The following HK3 variants were observed in gnomAD, a reference collection of about 807,000 sequenced individuals.
The protein encoded by HK3 is hexokinase-3.
HK3 carries 93 observed loss-of-function variants against 91.0 expected under a neutral mutation model. The observed-to-expected ratio is 1.02, with a 90% CI of 0.86 to 1.21. The LOEUF is 1.21. Ranked by LOEUF, HK3 falls within the 50% of genes most tolerant of loss-of-function variation. HK3 has a pLI of 0.00. For synonymous variants in HK3, 519 were observed against 516.9 expected (o/e 1.00, Z -0.06); for missense variants, 1,235 against 1,247.4 (o/e 0.99, Z 0.15).
chr5:176,888,289 G>A (rs756114925), intron 10 of HK3, 43 bp downstream of exon 10: 104 of 1,486,060 alleles, frequency 7.0e-5, no homozygotes, highest in Non-Finnish European at 8.0e-5. Flanking sequence ...TCACACACAC[G>A]TGTTCATGCC....
chr5:176,891,255 C>T lies in HK3; in HGVS notation c.260-64G>A. ...CAAGACCAGAGCCCTCTGCCCACTT[C>T]CCAAATTCCTAAGGCCTGCAAAGTC... On this transcript the variant is annotated intron_variant, in intron 3 of 18. Transcript: ENST00000292432. 6 of 1,613,014 alleles carry T rather than the reference C, an allele frequency of 3.7e-6. No homozygotes were observed. The East Asian group carries it at 1.3e-4, about 36-fold the overall frequency.
chr5:176,887,183 G>A lies in HK3; in HGVS notation c.1737+18C>T. 6.2e-7 allele frequency: 1 copy of A among 1,614,176 alleles called. No homozygotes were observed. Among genetic ancestry groups the A allele is most frequent in the Non-Finnish European group, 8.5e-7 (1 of 1,180,042 alleles). ...AGCCCTTCCCCACCTCTGACATCAA[G>A]GTTCAGGCTGTGGGTACCTGCTGCC... On this transcript the variant is annotated intron_variant, in intron 12 of 18. Transcript: ENST00000292432. The surrounding 1 kb of genome is among the most constrained non-coding windows in gnomAD (Gnocchi z 4.9).
chr5:176,884,421 A>G lies in HK3; in HGVS notation c.1858-287T>C, dbSNP rs1308586143. Among the ~76,000 whole-genome samples the G allele has an allele frequency of 1.3e-5, 2 of 152,222 alleles. No homozygotes were observed. The highest frequency in any genetic ancestry group is 2.9e-5 in the Non-Finnish European group (2 of 68,044). ...CATTTTAAGACGTGTGCCCGGAAGGAATGGCCCTTTGTAATTGGGTTAGGA... is the reference window on the plus strand; with the variant it reads ...CATTTTAAGACGTGTGCCCGGAAGGGATGGCCCTTTGTAATTGGGTTAGGA... On this transcript the variant is annotated intron_variant, in intron 13 of 18. Transcript: ENST00000292432. The surrounding 1 kb of genome is among the most constrained non-coding windows in gnomAD (Gnocchi z 4.1).
chr5:176,895,364 A>G (rs1043739793), intron 2 of HK3, among the ~76,000 whole-genome samples: 3 of 152,190 alleles, frequency 2.0e-5, no homozygotes, highest in Non-Finnish European at 4.4e-5. Context: ...GGCGTGAGCC[A>G]CCGCGCCCGG....
chr5:176,892,539 C>T (rs1758806298), intron 2 of HK3, among the ~76,000 whole-genome samples: 1 of 152,112 alleles, frequency 6.6e-6, no homozygotes, highest in Admixed American at 6.5e-5. Flanking sequence ...AGCAAATACC[C>T]TCCCCTAGAT....
Position 176,884,254 on chromosome 5 carries a change from T to C in HK3, c.1858-120A>G, listed in dbSNP as rs1758524252. On this transcript the variant is annotated intron_variant, in intron 13 of 18. Coordinates refer to ENST00000292432, the MANE Select transcript of HK3 (RefSeq NM_002115.3). The surrounding 1 kb of genome is among the most constrained non-coding windows in gnomAD (Gnocchi z 4.1). ...TTCCACCCTCCCCAAGCACAATTCC[T>C]TGCCTACTTTGCTGTATGGTTGAAG... The C allele has an allele frequency of 1.2e-6, 1 of 813,068 alleles. No homozygotes were observed. The highest frequency in any genetic ancestry group is 2.0e-5 in the Admixed American group (1 of 50,362). 50.4% of individuals were successfully genotyped at this position (813,068 alleles called of 1,614,324 possible). A position where few individuals can be genotyped will look rare whatever the true frequency, so the allele number is the denominator to read the frequency against.
rs759410152 is a variant in HK3, at chr5:176,887,472, G to A, written c.1579C>T (p.Arg527Trp). 2.0e-5 allele frequency: 33 copies of A among 1,612,454 alleles called. No individual in the cohort carries two copies. The highest frequency in any genetic ancestry group is 9.3e-5 in the African/African-American group (7 of 74,904). ...SSLRMLPTFV[R>W]ATPDGSERGD... ...TTACCGCTGCCGTCAGGGGTGGCCC[G>A]GACGAAAGTGGGCAGCATGCGAAGG... Residue 527 changes from arginine (R) to tryptophan (W), a missense_variant, in exon 11 of 19, where the codon CGG becomes TGG. Physicochemically the swap from Arg to Trp is moderately radical, Grantham distance 101. This residue lies in a region of HK3 where 717 missense variants were observed against 751.6 expected (regional missense o/e 0.95). Coordinates refer to ENST00000292432, the MANE Select transcript of HK3 (RefSeq NM_002115.3). The surrounding 1 kb of genome is among the most constrained non-coding windows in gnomAD (Gnocchi z 4.9).
Position 176,887,925 on chromosome 5 carries a change from G to A in HK3, c.1305-179C>T, listed in dbSNP as rs1452599149. 6.6e-6 allele frequency among the ~76,000 whole-genome samples: 1 copy of A among 151,112 alleles called. No individual in the cohort carries two copies. Among genetic ancestry groups the A allele is most frequent in the East Asian group, 1.9e-4 (1 of 5,160 alleles). On this transcript the variant is annotated intron_variant, in intron 10 of 18. Transcript: ENST00000292432. This position sits in a 1 kb window ranked among gnomAD's most constrained non-coding sequence, Gnocchi z 4.9. Reference sequence around the variant, plus strand: ...TTTTTTTTTTATTTTTGTAGATATCGAGTCTTGCTCTCTCACCCAAGCTAG... The same window carrying A: ...TTTTTTTTTTATTTTTGTAGATATCAAGTCTTGCTCTCTCACCCAAGCTAG...
At position 176,891,948 on chromosome 5, in the gene HK3, G is replaced by A. The variant is rs79369399; in HGVS notation, c.97-398C>T. 9.7e-3 allele frequency among the ~76,000 whole-genome samples: 1,477 copies of A among 152,266 alleles called. 17 individuals carry two copies. Among genetic ancestry groups the A allele is most frequent in the Non-Finnish European group, 0.016 (1,056 of 68,026 alleles). ...CGAACAAGAGAATAAACAAATGCAC[G>A]AACAAACTTCAAGTGTTTCCCTCTC... On this transcript the variant is annotated intron_variant, in intron 2 of 18. Transcript: ENST00000292432.
Position 176,887,099 on chromosome 5 carries a change from C to G in HK3, c.1760G>C (p.Cys587Ser). 6.2e-7 allele frequency: 1 copy of G among 1,613,992 alleles called. No individual in the cohort carries two copies. Among genetic ancestry groups the G allele is most frequent in the Non-Finnish European group, 8.5e-7 (1 of 1,179,824 alleles). The change falls in exon 13 of 19, where the codon TGC becomes TCC. Residue 587 changes from cysteine to serine, a missense_variant. This residue lies in a region of HK3 where 513 missense variants were observed against 477.4 expected (regional missense o/e 1.07). Coordinates refer to ENST00000292432, the MANE Select transcript of HK3 (RefSeq NM_002115.3). The surrounding 1 kb of genome is among the most constrained non-coding windows in gnomAD (Gnocchi z 4.9). ...GQQLFDHIVD[C>S]IVDFQQKQGL... Reference sequence around the variant, plus strand: ...CTGCTTCTGCTGGAAGTCCACGATGCAGTCCACGATGTGGTCAAAGAGCTG... The same window carrying G: ...CTGCTTCTGCTGGAAGTCCACGATGGAGTCCACGATGTGGTCAAAGAGCTG...
At position 176,887,554 on chromosome 5, in the gene HK3, C is replaced by T. The variant is rs751636063; in HGVS notation, c.1497G>A (p.Ala499=). The T allele has an allele frequency of 1.9e-5, 31 of 1,613,778 alleles. No individual in the cohort carries two copies. In the Admixed American group the frequency reaches 3.0e-4, roughly 16 times the overall value. The change falls in exon 11 of 19, where the codon GCG becomes GCA. Residue 499 remains alanine (A), a synonymous_variant. Transcript: ENST00000292432. The surrounding 1 kb of genome is among the most constrained non-coding windows in gnomAD (Gnocchi z 4.9). ...TGGCCTTCCGCATCTGTGCCTGAAC[C>T]GCAGCCAGTTGATCATGGTTCAACC... ...PFRLNHDQLA[A]VQAQMRKAMA... is the part of the protein sequence containing the mutation.
chr5:176,883,794 G>A lies in HK3; in HGVS notation c.2029C>T (p.Arg677Cys), dbSNP rs144556523. ...TMMSCGYEDP[R>C]CEIGLIVGTG... ...CCGACAATGAGGCCTATCTCGCAAC[G>A]GGGGTCCTCATAGCCACAGGACATC... Residue 677 changes from arginine to cysteine, a missense_variant, in exon 15 of 19, where the codon CGT (arginine) becomes TGT (cysteine). By Grantham distance (180) the Arg-to-Cys change is radical. Around this residue, in one of 3 missense-constraint regions of HK3, gnomAD observed 513 missense variants for 477.4 expected, o/e 1.07. Transcript: ENST00000292432. 250 of 1,613,838 alleles carry A rather than the reference G, an allele frequency of 1.5e-4. No homozygotes were observed. Among genetic ancestry groups the A allele is most frequent in the East Asian group, 9.8e-4 (44 of 44,878 alleles).
At chr5:176,883,908 G>C in intron 14 of HK3, 39 bp from the exon 15 acceptor site, 1 of 1,603,090 alleles carries the variant, frequency 6.2e-7, no homozygotes, top group Non-Finnish European at 8.5e-7. Context: ...TGGGCAACGC[G>C]GTCGTCACAG....
chr5:176,883,964 C>T, intron 14 of HK3, 75 bp downstream of exon 14: 1 of 1,587,160 alleles, frequency 6.3e-7, no homozygotes, highest in Non-Finnish European at 8.7e-7. Context: ...GGGCTCCCCC[C>T]TCAGAAAGTA....
intron 15 of HK3, 86 bp from the exon 16 acceptor site, chr5:176,882,213 T>A (rs1758456581): frequency 1.4e-6 from 2 of 1,404,532 alleles, no homozygotes; most frequent in East Asian, 4.8e-5. Flanking sequence ...ATGGCAACGA[T>A]TCGGGCTCAC....
At chr5:176,883,154 T>G (rs1358458539) in intron 15 of HK3, among the ~76,000 whole-genome samples, 1 of 152,258 alleles carries the variant, frequency 6.6e-6, no homozygotes, top group East Asian at 1.9e-4. Context: ...TAACCCTTGC[T>G]GAGTGGTCGG....
rs781612601 is a variant in HK3, at chr5:176,884,881, T to C, written c.1858-747A>G. ...CATGGAGGGTAGGTCAGGAAATCTT[T>C]GGGGCAGAAGATTTTAGAAATAGTA... is the stretch of plus-strand genomic sequence containing the variant. On this transcript the variant is annotated intron_variant, in intron 13 of 18. Coordinates refer to ENST00000292432, the MANE Select transcript of HK3 (RefSeq NM_002115.3). This position sits in a 1 kb window ranked among gnomAD's most constrained non-coding sequence, Gnocchi z 4.1. 8.5e-5 allele frequency among the ~76,000 whole-genome samples: 13 copies of C among 152,210 alleles called. No homozygotes were observed. Among genetic ancestry groups the C allele is most frequent in the Non-Finnish European group, 1.8e-4 (12 of 68,044 alleles).
rs61741552 is a variant in HK3 at position 176,887,609 on chromosome 5, C to A, written c.1442G>T (p.Arg481Leu). ...AVAARLAAHRRLLEETLAPFR... is the reference protein window; with the variant it reads ...AVAARLAAHRLLLEETLAPFR... ...TGGGGCCAGGGTCTCCTCCAGCAGG[C>A]GCCGGTGGGCAGCCAGACGGGCAGC... The change falls in exon 11 of 19, where the codon CGC becomes CTC. Residue 481 changes from arginine to leucine, a missense_variant. Physicochemically the swap from Arg to Leu is moderately radical, Grantham distance 102. Coordinates refer to ENST00000292432, the MANE Select transcript of HK3 (RefSeq NM_002115.3). This position sits in a 1 kb window ranked among gnomAD's most constrained non-coding sequence, Gnocchi z 4.9. 6.2e-7 allele frequency: 1 copy of A among 1,613,728 alleles called. No individual in the cohort carries two copies. Among genetic ancestry groups the A allele is most frequent in the Non-Finnish European group, 8.5e-7 (1 of 1,179,974 alleles).
chr5:176,895,329 G>A (rs1271380871), intron 2 of HK3, among the ~76,000 whole-genome samples: 3 of 151,868 alleles, frequency 2.0e-5, no homozygotes, highest in East Asian at 1.9e-4. Flanking sequence ...CACCTGCCTC[G>A]GCCTCCCAAA....
Sources: gnomAD v4.1 joint callset for allele counts (sites outside exome capture counted in the v4.1 genomes callset) on GRCh38, gnomAD v4.1.1 for gene constraint, gnomAD v4.1.1 regional missense constraint, Gnocchi (gnomAD v3.1) non-coding constraint, MANE v1.5 for transcripts, NCBI Gene and HGNC (gene_info 2026-07-23, HGNC 2026-07-21) for gene names.